The following KLRG1 variants were observed in gnomAD, a reference collection of about 807,000 sequenced individuals.
The protein encoded by KLRG1 is killer cell lectin-like receptor subfamily G member 1.
A neutral mutation model predicts 21.8 loss-of-function variants in KLRG1; 16 were observed. The ratio of observed to expected loss-of-function variants is 0.73; its 90% CI spans 0.50 to 1.11. The LOEUF is 1.11. Ranked by LOEUF, KLRG1 falls within the 50% of genes most tolerant of loss-of-function variation. The pLI is 0.00. For synonymous variants in KLRG1, 69 were observed against 75.9 expected, an observed-to-expected ratio of 0.91 and a Z score of 0.47; for missense variants, 173 against 218.3, an observed-to-expected ratio of 0.79 and a Z score of 1.31.
At chr12:9,175,691 C>G in the KLRG1 span, among the ~76,000 whole-genome samples, 1 of 152,130 alleles carries the variant, frequency 6.6e-6, no homozygotes, top group Non-Finnish European at 1.5e-5. Context: ...ATACAGCCAA[C>G]AAACATATGA....
the KLRG1 span, chr12:9,192,138 G>A: frequency 8.4e-6 from 12 of 1,436,900 alleles, no homozygotes; most frequent in Non-Finnish European, 1.2e-5. Context: ...TGTCACCGAG[G>A]GAAGGGTAAG....
At chr12:9,143,741 G>A in the KLRG1 span, among the ~76,000 whole-genome samples, 15 of 152,132 alleles carry the variant, frequency 9.9e-5, no homozygotes, top group Admixed American at 4.6e-4. Flanking sequence ...GCCCGGCCAC[G>A]TTGCAATAAA....
chr12:9,050,289 C>T, the KLRG1 span, among the ~76,000 whole-genome samples: 1 of 152,202 alleles, frequency 6.6e-6, no homozygotes, highest in African/African-American at 2.4e-5. Flanking sequence ...ATCTCCTTGC[C>T]ACCTGTCTCT....
the KLRG1 span, among the ~76,000 whole-genome samples, chr12:9,123,197 C>G: frequency 1.3e-5 from 2 of 152,034 alleles, no homozygotes; most frequent in Admixed American, 6.5e-5. Flanking sequence ...GGCATATGTT[C>G]CAAGATCCCC....
the KLRG1 span, among the ~76,000 whole-genome samples, chr12:9,144,073 G>T: frequency 2.0e-5 from 3 of 152,186 alleles, no homozygotes; most frequent in African/African-American, 7.2e-5. Context: ...GTCAGGGGAA[G>T]GCAGATCTTA....
chr12:9,008,811 A>C (rs61915986), intron 3 of KLRG1, among the ~76,000 whole-genome samples, 164 bp from the exon 4 acceptor site: 35,462 of 152,042 alleles, frequency 0.23, 4,806 homozygotes, highest in East Asian at 0.37. Flanking sequence ...TATTGATTTT[A>C]GGACGCATTC....
downstream of KLRG1, among the ~76,000 whole-genome samples, chr12:9,014,405 C>T (rs959704440): frequency 6.6e-6 from 1 of 152,120 alleles, no homozygotes; most frequent in Non-Finnish European, 1.5e-5. Flanking sequence ...ATATGTCTGA[C>T]AGCAGACTTC....
At chr12:9,079,649 A>G in the KLRG1 span, 1 of 1,613,060 alleles carries the variant, frequency 6.2e-7, no homozygotes, top group Non-Finnish European at 8.5e-7. Flanking sequence ...CAGTGTTGAG[A>G]TAGCCAATGG....
the KLRG1 span, among the ~76,000 whole-genome samples, chr12:9,016,060 A>G: frequency 6.6e-6 from 1 of 152,196 alleles, no homozygotes; most frequent in South Asian, 2.1e-4. Context: ...AAAAGTAAAA[A>G]TGCCTCAAAT....
chr12:9,024,845 A>G, the KLRG1 span, among the ~76,000 whole-genome samples: 1 of 152,166 alleles, frequency 6.6e-6, no homozygotes, highest in Non-Finnish European at 1.5e-5. Context: ...CCTTGCTAGT[A>G]ATGCTCTCAC....
the KLRG1 span, among the ~76,000 whole-genome samples, chr12:9,040,690 C>T: frequency 6.6e-6 from 1 of 152,128 alleles, no homozygotes; most frequent in African/African-American, 2.4e-5. Context: ...GAAAGGGTGC[C>T]TCACTATTGT....
the KLRG1 span, among the ~76,000 whole-genome samples, chr12:9,025,088 T>C: frequency 1.3e-5 from 2 of 152,106 alleles, no homozygotes; most frequent in African/African-American, 4.8e-5. Flanking sequence ...GAAATGGCAA[T>C]ATGAAGGTCA....
At chr12:9,102,855 G>A in the KLRG1 span, among the ~76,000 whole-genome samples, 1 of 152,072 alleles carries the variant, frequency 6.6e-6, no homozygotes, top group Non-Finnish European at 1.5e-5. Context: ...TTAGAGGGAG[G>A]TGCTTTTATG....
chr12:9,030,428 A>G, the KLRG1 span, among the ~76,000 whole-genome samples: 2 of 151,596 alleles, frequency 1.3e-5, no homozygotes, highest in Non-Finnish European at 2.9e-5. Flanking sequence ...TCTTTTTGAC[A>G]TGGAGTCTCG....
the KLRG1 span, chr12:9,079,764 G>A: frequency 6.2e-7 from 1 of 1,613,022 alleles, no homozygotes; most frequent in Admixed American, 1.7e-5. Flanking sequence ...ACAGCCATAG[G>A]GCATCTGGAG....
At chr12:9,045,307 C>A in the KLRG1 span, among the ~76,000 whole-genome samples, 1 of 152,052 alleles carries the variant, frequency 6.6e-6, no homozygotes, top group Non-Finnish European at 1.5e-5. Flanking sequence ...TTTAAGAAGT[C>A]TTTAGAGAAG....
chr12:8,999,235 C>T (rs1947235178), intron 3 of KLRG1, among the ~76,000 whole-genome samples: 1 of 152,154 alleles, frequency 6.6e-6, no homozygotes, highest in African/African-American at 2.4e-5. Flanking sequence ...TTTTCCCCCA[C>T]CAAGCTCAGT....
At chr12:9,091,651 C>T in the KLRG1 span, among the ~76,000 whole-genome samples, 6 of 152,144 alleles carry the variant, frequency 3.9e-5, no homozygotes, top group Non-Finnish European at 8.8e-5. Flanking sequence ...CTTTTACAGA[C>T]AATATAGTTA....
At chr12:9,159,634 C>A in the KLRG1 span, among the ~76,000 whole-genome samples, 1 of 151,550 alleles carries the variant, frequency 6.6e-6, no homozygotes, top group African/African-American at 2.4e-5. Flanking sequence ...CAAAGTAAAA[C>A]AAAGAAAAGA....
Sources: gnomAD v4.1 joint callset for allele counts (sites outside exome capture counted in the v4.1 genomes callset) on GRCh38, gnomAD v4.1.1 for gene constraint, MANE v1.5 for transcripts, NCBI Gene and HGNC (gene_info 2026-07-23, HGNC 2026-07-21) for gene names.